TRIM34: variants seen among roughly 807,000 people sequenced by gnomAD.
TRIM34 encodes the protein E3 ubiquitin-protein ligase TRIM34.
A neutral mutation model predicts 38.1 loss-of-function variants in TRIM34; 41 were observed. The observed-to-expected ratio is 1.08, with a 90% CI of 0.84 to 1.40. The LOEUF is 1.40. TRIM34 is among the 40% of genes most tolerant of loss of function. The pLI, the probability that TRIM34 is intolerant of heterozygous loss-of-function variation, is 0.00. For synonymous variants in TRIM34, 200 were observed against 202.5 expected (o/e 0.99, Z 0.10); for missense variants, 556 against 571.4 (o/e 0.97, Z 0.27).
chr11:5,632,561 T>G lies in TRIM34; in HGVS notation c.230T>G (p.Ile77Arg). The change falls in exon 2 of 8, where the codon ATA becomes AGA. Residue 77 changes from isoleucine (I) to arginine (R), a missense_variant. Transcript: ENST00000429814. ...HLQANQHLAN[I>R]VERLKEVKLS... The stretch of plus-strand genomic sequence containing the variant: ...CAGGCTAATCAGCATCTGGCCAACA[T>G]AGTGGAGAGACTCAAGGAGGTCAAG... 1 of 1,613,700 alleles carries G rather than the reference T, an allele frequency of 6.2e-7. No homozygotes were observed. Among genetic ancestry groups the G allele is most frequent in the Non-Finnish European group, 8.5e-7 (1 of 1,179,942 alleles).
intron 1 of TRIM34, among the ~76,000 whole-genome samples, chr11:5,628,999 G>T (rs1009085414): frequency 2.6e-5 from 4 of 152,104 alleles, no homozygotes; most frequent in Non-Finnish European, 4.4e-5. Flanking sequence ...GGTCAAGGCC[G>T]GGTGCAGTGG....
chr11:5,643,841 G>C lies in TRIM34; in HGVS notation c.*132G>C. 1 of 1,236,144 alleles carries C rather than the reference G, an allele frequency of 8.1e-7. No individual in the cohort carries two copies. The highest frequency in any genetic ancestry group is 2.4e-5 in the East Asian group (1 of 41,776). 76.6% of individuals were successfully genotyped at this position (1,236,144 alleles called of 1,614,324 possible). ...ACTTTTACTCATCCTTGAGATGTAT[G>C]GTGTATTTGGCTTGAGTTATGAGAG... On this transcript the variant is annotated 3_prime_UTR_variant, in exon 8 of 8. Transcript: ENST00000429814.
chr11:5,638,971 C>T (rs1326903849), intron 4 of TRIM34, among the ~76,000 whole-genome samples: 1 of 152,112 alleles, frequency 6.6e-6, no homozygotes, highest in African/African-American at 2.4e-5. Context: ...AGTGCACCTA[C>T]ATGCAGGAGT....
chr11:5,626,070 A>G (rs1849209325), intron 1 of TRIM34, among the ~76,000 whole-genome samples: 1 of 152,194 alleles, frequency 6.6e-6, no homozygotes, highest in Non-Finnish European at 1.5e-5. Flanking sequence ...CTCACCCTTC[A>G]GAGTTCACTG....
chr11:5,642,984 T>C (rs1850082251), intron 7 of TRIM34, 141 bp downstream of exon 7: 2 of 1,380,326 alleles, frequency 1.4e-6, no homozygotes, highest in Non-Finnish European at 1.9e-6. Flanking sequence ...TCCAGTGTTT[T>C]ACCCCTCCAA....
intron 3 of TRIM34, 123 bp from the exon 4 acceptor site, chr11:5,634,492 TACACACACACACACAC>T (rs3060967): frequency 1.8e-4 from 40 of 228,032 alleles, no homozygotes; most frequent in South Asian, 2.9e-4. Context: ...ATAATATAAA[TACACACACACACACAC>T]ACACACACAC....
chr11:5,626,600 C>T (rs1849246845), intron 1 of TRIM34: 1 of 152,094 alleles, frequency 6.6e-6, no homozygotes, highest in African/African-American at 2.4e-5. Flanking sequence ...TGAGTTCTTA[C>T]CAGGCGCGGT....
Position 5,632,623 on chromosome 11 carries a change from GATC to G in TRIM34, c.298_300del (p.His100del), listed in dbSNP as rs1359001463. On this transcript the variant is annotated inframe_deletion, in exon 2 of 8. Coordinates refer to ENST00000429814, the MANE Select transcript of TRIM34 (RefSeq NM_021616.6). ...CAATGGGAAGAAGAGAGATCTCTGT[GATC>G]ATCATGGAGAGAAACTCCTACTCTT... 1 of 1,613,280 alleles carries G rather than the reference GATC, an allele frequency of 6.2e-7. No individual in the cohort carries two copies. Among genetic ancestry groups the G allele is most frequent in the Non-Finnish European group, 8.5e-7 (1 of 1,179,836 alleles).
chr11:5,634,818 A>G lies in TRIM34; in HGVS notation c.707A>G (p.Asp236Gly), dbSNP rs1849660270. Residue 236 changes from aspartate to glycine, a missense_variant, in exon 4 of 8, where the codon GAT becomes GGT. By Grantham distance (94) the Asp-to-Gly change is moderately conservative (BLOSUM62 -1). Transcript: ENST00000429814. ...QKQLVRELIS[D>G]VECRSQWSTM... ...CAGTTGGTGAGAGAGCTCATCTCAG[A>G]TGTGGAGTGTCGGAGTCAGTGGTCA... The G allele has an allele frequency of 6.2e-7, 1 of 1,613,572 alleles. No individual in the cohort carries two copies. Among genetic ancestry groups the G allele is most frequent in the Admixed American group, 1.7e-5 (1 of 59,998 alleles).
intron 4 of TRIM34, among the ~76,000 whole-genome samples, chr11:5,636,985 A>G (rs922318610): frequency 6.6e-5 from 10 of 152,190 alleles, no homozygotes; most frequent in Non-Finnish European, 1.3e-4. Context: ...TCTCTACTAA[A>G]AATACAAAAA....
At position 5,643,125 on chromosome 11, in the gene TRIM34, A is replaced by ATATTTTTT. The variant is rs1554923130; in HGVS notation, c.902-18_902-17insATTTTTTT. 9.2e-6 allele frequency: 9 copies of ATATTTTTT among 974,542 alleles called. No homozygotes were observed. The highest frequency in any genetic ancestry group is 9.2e-6 in the Non-Finnish European group (7 of 761,858). 60.4% of individuals were successfully genotyped at this position (974,542 alleles called of 1,614,324 possible). ...ATTATATTCATATACATATATATATATTTTTTTTTTTCTTGCAGTGGATGT... is the reference window on the plus strand; with the variant it reads ...ATTATATTCATATACATATATATATATATTTTTTTTTTTTTTTTTCTTGCAGTGGATGT... On this transcript the variant is annotated intron_variant, in intron 7 of 7. Coordinates refer to ENST00000429814, the MANE Select transcript of TRIM34 (RefSeq NM_021616.6).
upstream of TRIM34, among the ~76,000 whole-genome samples, chr11:5,622,547 G>A (rs1355169157): frequency 1.3e-5 from 2 of 152,080 alleles, no homozygotes; most frequent in African/African-American, 2.4e-5. Context: ...GAACCTGGGA[G>A]GCGGAGGTTG....
Position 5,634,498 on chromosome 11 carries a change from C to CAT in TRIM34, c.520-132_520-131insTA, listed in dbSNP as rs1446846347. ...TATATACAGATAATATAAATACACA[C>CAT]ACACACACACACACACACACACACA... is the stretch of plus-strand genomic sequence containing the variant. On this transcript the variant is annotated intron_variant, in intron 3 of 7. Transcript: ENST00000429814. The CAT allele has an allele frequency of 1.2e-4, 35 of 296,886 alleles. No individual in the cohort carries two copies. The Admixed American group carries it at 1.5e-3, about 13-fold the overall frequency. The allele number at this position is 296,886 out of a possible 1,614,324, so 18.4% of individuals were successfully genotyped here. A position where few individuals can be genotyped will look rare whatever the true frequency, so the allele number is the denominator to read the frequency against.
At chr11:5,642,770 T>C (rs780776526) in intron 6 of TRIM34, 47 bp from the exon 7 acceptor site, 2 of 1,612,550 alleles carry the variant, frequency 1.2e-6, no homozygotes, top group African/African-American at 1.3e-5. Flanking sequence ...TATCAGTGCT[T>C]ACTCCTTTGT....
chr11:5,629,744 G>A lies in TRIM34; in HGVS notation c.-77-2511G>A, dbSNP rs566274566. Among the ~76,000 whole-genome samples, 10 of 152,320 alleles carry A rather than the reference G, an allele frequency of 6.6e-5. No homozygotes were observed. In the South Asian group the frequency reaches 1.9e-3, roughly 28 times the overall value. Reference sequence around the variant, plus strand: ...GTTTTTTGAGACGGAGTCTCGCTCTGTCGCCCGGGCTGGAGTGCAGTGGTG... The same window carrying A: ...GTTTTTTGAGACGGAGTCTCGCTCTATCGCCCGGGCTGGAGTGCAGTGGTG... On this transcript the variant is annotated intron_variant, in intron 1 of 7. Transcript: ENST00000429814.
upstream of TRIM34, among the ~76,000 whole-genome samples, chr11:5,623,364 T>C (rs1259108141): frequency 6.6e-6 from 1 of 151,914 alleles, no homozygotes; most frequent in African/African-American, 2.4e-5. Context: ...TTATTTTGTT[T>C]ATTTTTATTT....
In TRIM34 at chr11:5,634,522, C is replaced by T. The variant is rs1350891034; in HGVS notation, c.520-109C>T. The T allele has an allele frequency of 1.5e-5, 10 of 662,920 alleles. No individual in the cohort carries two copies. The African/African-American group carries it at 1.7e-4, about 11-fold the overall frequency. The allele number at this position is 662,920 out of a possible 1,614,324, so 41.1% of individuals were successfully genotyped here. On this transcript the variant is annotated intron_variant, in intron 3 of 7. Transcript: ENST00000429814. ...ACACACACACACACACACACACACACACACACACATATATATATATATATA... is the reference window on the plus strand; with the variant it reads ...ACACACACACACACACACACACACATACACACACATATATATATATATATA...
rs1554923130 is a variant in TRIM34, at chr11:5,643,125, A to ATATTTT, written c.902-18_902-17insATTTTT. 1,129 of 974,478 alleles carry ATATTTT rather than the reference A, an allele frequency of 1.2e-3. 6 individuals carry two copies. In the African/African-American group the frequency reaches 0.012, roughly 10 times the overall value. 60.4% of individuals were successfully genotyped at this position (974,478 alleles called of 1,614,324 possible). A position where few individuals can be genotyped will look rare whatever the true frequency, so the allele number is the denominator to read the frequency against. ...ATTATATTCATATACATATATATAT[A>ATATTTT]TTTTTTTTTTTCTTGCAGTGGATGT... On this transcript the variant is annotated intron_variant, in intron 7 of 7. Coordinates refer to ENST00000429814, the MANE Select transcript of TRIM34 (RefSeq NM_021616.6).
chr11:5,632,362 G>A lies in TRIM34; in HGVS notation c.31G>A (p.Glu11Lys), dbSNP rs762424616. The change falls in exon 2 of 8, where the codon GAG (glutamate) becomes AAG (lysine). Residue 11 changes from glutamate to lysine, a missense_variant. By Grantham distance (56) the Glu-to-Lys change is moderately conservative. Coordinates refer to ENST00000429814, the MANE Select transcript of TRIM34 (RefSeq NM_021616.6). Reference sequence around the variant, plus strand: ...TTCAAAAATCTTGCTTAACGTACAAGAGGAGGTGACCTGTCCCATCTGCCT... The same window carrying A: ...TTCAAAAATCTTGCTTAACGTACAAAAGGAGGTGACCTGTCCCATCTGCCT... The part of the protein sequence containing the change: MASKILLNVQ[E>K]EVTCPICLEL... 6.2e-7 allele frequency: 1 copy of A among 1,614,090 alleles called. No homozygotes were observed. Among genetic ancestry groups the A allele is most frequent in the Admixed American group, 1.7e-5 (1 of 60,002 alleles).
Sources: gnomAD v4.1 joint callset for allele counts (sites outside exome capture counted in the v4.1 genomes callset) on GRCh38, gnomAD v4.1.1 for gene constraint, MANE v1.5 for transcripts, NCBI Gene and HGNC (gene_info 2026-07-23, HGNC 2026-07-21) for gene names.